CFDP1: variants seen among roughly 807,000 people sequenced by gnomAD.
CFDP1 encodes the protein chromatin remodeling protein CFDP1.
CFDP1 carries 31 observed loss-of-function variants against 40.1 expected under a neutral mutation model. The ratio of observed to expected loss-of-function variants is 0.77; its 90% CI spans 0.58 to 1.04. CFDP1 has a LOEUF of 1.04. Among genes scored for constraint, CFDP1 ranks in the 50% least tolerant of loss-of-function variants. The pLI is 0.00. For synonymous variants in CFDP1, 167 were observed against 120.0 expected, an observed-to-expected ratio of 1.39 and a Z score of -2.56; for missense variants, 423 against 343.4, an observed-to-expected ratio of 1.23 and a Z score of -1.83.
chr16:75,307,450 C>A (rs1037860590), intron 5 of CFDP1, among the ~76,000 whole-genome samples: 1 of 152,116 alleles, frequency 6.6e-6, no homozygotes, highest in Admixed American at 6.6e-5. Flanking sequence ...CTCCTGACCT[C>A]GGGTGATCTG....
At chr16:75,379,319 G>A (rs890958954) in intron 5 of CFDP1, among the ~76,000 whole-genome samples, 2 of 146,592 alleles carry the variant, frequency 1.4e-5, no homozygotes, top group African/African-American at 5.0e-5. Context: ...ATCGACAAAC[G>A]TCTAGCAAGA....
chr16:75,401,245 A>ATG (rs1567673004), intron 4 of CFDP1, among the ~76,000 whole-genome samples: 56 of 151,374 alleles, frequency 3.7e-4, no homozygotes, highest in African/African-American at 1.3e-3. Context: ...TGGCTAATAC[A>ATG]GTGAAACCCC....
At chr16:75,296,139 A>G (rs1007142340) in intron 6 of CFDP1, among the ~76,000 whole-genome samples, 1 of 152,106 alleles carries the variant, frequency 6.6e-6, no homozygotes, top group Non-Finnish European at 1.5e-5. Flanking sequence ...GTGTAAGAGG[A>G]ATTTAGGGTG....
intron 5 of CFDP1, among the ~76,000 whole-genome samples, chr16:75,335,092 T>C (rs1008542551): frequency 6.6e-6 from 1 of 152,218 alleles, no homozygotes; most frequent in African/African-American, 2.4e-5. Flanking sequence ...TTATTCTTCA[T>C]GTGGGTTACA....
At chr16:75,369,775 CAG>C (rs2078739078) in intron 5 of CFDP1, among the ~76,000 whole-genome samples, 1 of 152,096 alleles carries the variant, frequency 6.6e-6, no homozygotes, top group South Asian at 2.1e-4. Flanking sequence ...GTTTATGAGA[CAG>C]AGTCTCACTG....
At chr16:75,343,997 C>T (rs9928901) in intron 5 of CFDP1, among the ~76,000 whole-genome samples, 38,145 of 152,100 alleles carry the variant, frequency 0.25, 5,722 homozygotes, top group African/African-American at 0.42. Context: ...GAATCTCTAG[C>T]AGGAAACAGT....
chr16:75,320,031 G>T (rs2078351066), intron 5 of CFDP1, among the ~76,000 whole-genome samples: 1 of 152,188 alleles, frequency 6.6e-6, no homozygotes, highest in African/African-American at 2.4e-5. Context: ...ACAAATGGAA[G>T]ATTTTTACCC....
intron 6 of CFDP1, among the ~76,000 whole-genome samples, chr16:75,297,195 T>TGTGTGTGTGTGTGTGTGTGTGTG (rs1491320265): frequency 5.3e-5 from 8 of 150,030 alleles, no homozygotes; most frequent in South Asian, 2.1e-4. Flanking sequence ...TGTGTGTGTG[T>TGTGTGTGTGTGTGTGTGTGTGTG]TTTTAGTAGA....
intron 4 of CFDP1, among the ~76,000 whole-genome samples, chr16:75,401,885 A>G (rs899990251): frequency 6.6e-6 from 1 of 152,186 alleles, no homozygotes; most frequent in Non-Finnish European, 1.5e-5. Context: ...GCTCTTAAGG[A>G]GCTCACAGTT....
At chr16:75,326,032 A>AG (rs1023688636) in intron 5 of CFDP1, among the ~76,000 whole-genome samples, 4 of 152,248 alleles carry the variant, frequency 2.6e-5, no homozygotes, top group Admixed American at 2.6e-4. Context: ...CAAACAAATA[A>AG]GGGACAGAAT....
chr16:75,296,086 G>A (rs2078180069), intron 6 of CFDP1, among the ~76,000 whole-genome samples: 1 of 152,204 alleles, frequency 6.6e-6, no homozygotes, highest in Non-Finnish European at 1.5e-5. Flanking sequence ...AAAGAGAGGT[G>A]AGCCTCAGCA....
chr16:75,348,462 A>G (rs1023556410), intron 5 of CFDP1, among the ~76,000 whole-genome samples: 1 of 152,182 alleles, frequency 6.6e-6, no homozygotes, highest in South Asian at 2.1e-4. Context: ...AAAAAAATCA[A>G]CTTTAAGCCC....
chr16:75,349,355 GA>G (rs916387619), intron 5 of CFDP1, among the ~76,000 whole-genome samples: 22 of 151,346 alleles, frequency 1.5e-4, no homozygotes, highest in African/African-American at 5.3e-4. Flanking sequence ...ACTAAAAATA[GA>G]AAAATTAGCC....
rs545590573 is a variant in CFDP1, at chr16:75,304,839, G to C, written c.809+185C>G. Among the ~76,000 whole-genome samples the C allele has an allele frequency of 2.7e-3, 410 of 152,300 alleles. 2 individuals are homozygous for C. The highest frequency in any genetic ancestry group is 9.5e-3 in the African/African-American group (393 of 41,560). On this transcript the variant is annotated intron_variant, in intron 6 of 6. Transcript: ENST00000283882. ...CCCCGCCTTCCCTCCACCCGCAGTG[G>C]CCTTCCCAGTGACAGGCCCTGCCCC...
At position 75,395,139 on chromosome 16, in the gene CFDP1, G is replaced by T; in HGVS notation, c.601C>A (p.Pro201Thr). Residue 201 changes from proline to threonine, a missense_variant, in exon 5 of 7, where the codon CCA becomes ACA. Coordinates refer to ENST00000283882, the MANE Select transcript of CFDP1 (RefSeq NM_006324.3). ...SFFKQNEKEK[P>T]QANVPSALPS... ...AGAGCTGAAGGAACATTAGCCTGTG[G>T]TTTTTCTTTCTCATTCTGCTTGAAG... The T allele has an allele frequency of 6.2e-7, 1 of 1,613,872 alleles. No homozygotes were observed. Among genetic ancestry groups the T allele is most frequent in the Middle Eastern group, 1.6e-4 (1 of 6,062 alleles).
At chr16:75,395,324 G>T in intron 4 of CFDP1, 115 bp from the exon 5 acceptor site, 1 of 1,084,158 alleles carries the variant, frequency 9.2e-7, no homozygotes. Context: ...ATAAATTCTG[G>T]ACGCTCAGCA....
intron 5 of CFDP1, among the ~76,000 whole-genome samples, chr16:75,331,196 GTCATTT>G (rs1254384886): frequency 6.6e-6 from 1 of 152,212 alleles, no homozygotes; most frequent in East Asian, 1.9e-4. Flanking sequence ...CAATGGCTCA[GTCATTT>G]TCATCTTTCC....
At chr16:75,317,806 C>T (rs1345071860) in intron 5 of CFDP1, among the ~76,000 whole-genome samples, 1 of 152,130 alleles carries the variant, frequency 6.6e-6, no homozygotes, top group Admixed American at 6.5e-5. Context: ...GAGTCAGCAT[C>T]TGGCATTAAA....
At chr16:75,381,885 T>C (rs2078855418) in intron 5 of CFDP1, among the ~76,000 whole-genome samples, 1 of 152,094 alleles carries the variant, frequency 6.6e-6, no homozygotes, top group Non-Finnish European at 1.5e-5. Context: ...TACTATTAGA[T>C]GCATAAAGAC....
Sources: allele counts gnomAD v4.1 joint callset (sites outside exome capture counted in the v4.1 genomes callset), GRCh38; gene constraint gnomAD v4.1.1; transcripts MANE v1.5; gene names NCBI Gene and HGNC (gene_info 2026-07-23, HGNC 2026-07-21).